The following RAD51B variants were observed in gnomAD, a reference collection of about 807,000 sequenced individuals.
RAD51B encodes the protein DNA repair protein RAD51 homolog 2.
In RAD51B, 38 loss-of-function variants were observed where a neutral mutation model predicts 42.2. The observed-to-expected ratio is 0.90, with a 90% CI of 0.70 to 1.18. The LOEUF (loss-of-function observed/expected upper bound fraction) is 1.18. RAD51B is among the 50% of genes most tolerant of loss of function. RAD51B has a pLI of 0.00. For synonymous variants in RAD51B, 154 were observed against 145.2 expected (o/e 1.06, Z -0.43); for missense variants, 373 against 400.7 (o/e 0.93, Z 0.59).
At chr14:68,417,786 A>C (rs2084598374) in intron 9 of RAD51B, among the ~76,000 whole-genome samples, 1 of 152,228 alleles carries the variant, frequency 6.6e-6, no homozygotes, top group African/African-American at 2.4e-5. Context: ...ACAAACAAGC[A>C]AACCATGGGA....
At chr14:68,513,600 G>C (rs772190460) in intron 10 of RAD51B, among the ~76,000 whole-genome samples, 1 of 152,148 alleles carries the variant, frequency 6.6e-6, no homozygotes, top group South Asian at 2.1e-4. Flanking sequence ...ACTGTATACT[G>C]TCTGGTCAGT....
chr14:68,134,712 A>G (rs1425817511), intron 7 of RAD51B, among the ~76,000 whole-genome samples: 1 of 152,104 alleles, frequency 6.6e-6, no homozygotes, highest in Non-Finnish European at 1.5e-5. Context: ...CTTGCCATCT[A>G]TATATCCCGC....
chr14:68,643,877 AG>A (rs556066089), intron 10 of RAD51B, among the ~76,000 whole-genome samples: 28 of 152,236 alleles, frequency 1.8e-4, no homozygotes, highest in African/African-American at 6.7e-4. Flanking sequence ...GGTCATGAAA[AG>A]GGGGTGGGGC....
intron 7 of RAD51B, among the ~76,000 whole-genome samples, chr14:67,966,223 C>T (rs906951200): frequency 2.0e-5 from 3 of 152,116 alleles, no homozygotes; most frequent in Non-Finnish European, 4.4e-5. Flanking sequence ...GGACCACGAG[C>T]CTTCACACTC....
At chr14:68,680,447 T>A (rs1893402760) in intron 11 of RAD51B, among the ~76,000 whole-genome samples, 1 of 152,242 alleles carries the variant, frequency 6.6e-6, no homozygotes, top group African/African-American at 2.4e-5. Flanking sequence ...ATTTATTACC[T>A]TTTTAAAATA....
intron 10 of RAD51B, among the ~76,000 whole-genome samples, chr14:68,533,180 A>T (rs1887418516): frequency 6.6e-6 from 1 of 152,216 alleles, no homozygotes; most frequent in Admixed American, 6.5e-5. Context: ...GTATAGGAAA[A>T]TTATTATAAA....
chr14:68,563,246 A>G, intron 10 of RAD51B: 2 of 985,420 alleles, frequency 2.0e-6, no homozygotes, highest in Non-Finnish European at 2.4e-6. Flanking sequence ...CATTACCTGC[A>G]GAGTTCAATG....
chr14:67,964,873 T>C (rs779643239), intron 7 of RAD51B, among the ~76,000 whole-genome samples: 1 of 152,216 alleles, frequency 6.6e-6, no homozygotes, highest in African/African-American at 2.4e-5. Context: ...TGGAAACTAC[T>C]AAAGAAGAAA....
At chr14:68,354,875 C>T (rs1215967481) in intron 8 of RAD51B, among the ~76,000 whole-genome samples, 1 of 152,080 alleles carries the variant, frequency 6.6e-6, no homozygotes, top group Non-Finnish European at 1.5e-5. Context: ...GACGTGGGAG[C>T]CCCATTTCAA....
rs144222134 is a variant in RAD51B at position 68,104,946 on chromosome 14, C to T, written c.757-186938C>T. ...AGAAATTCATAAAGTTTATACTTTACTAGTTTTCTTAAGAATACAGATGTA... is the reference window on the plus strand; with the variant it reads ...AGAAATTCATAAAGTTTATACTTTATTAGTTTTCTTAAGAATACAGATGTA... On this transcript the variant is annotated intron_variant, in intron 7 of 10. Coordinates refer to ENST00000471583, the MANE Select transcript of RAD51B (RefSeq NM_133510.4). Among the ~76,000 whole-genome samples, 3 of 152,212 alleles carry T rather than the reference C, an allele frequency of 2.0e-5. No homozygotes were observed. The East Asian group carries it at 5.8e-4, about 29-fold the overall frequency.
chr14:68,659,885 C>A (rs898408113), intron 11 of RAD51B, among the ~76,000 whole-genome samples: 3 of 152,250 alleles, frequency 2.0e-5, no homozygotes, highest in African/African-American at 7.2e-5. Flanking sequence ...ATGCTGACAC[C>A]TGCAATGGGC....
chr14:68,004,875 G>T (rs2075554549), intron 7 of RAD51B, among the ~76,000 whole-genome samples: 1 of 151,064 alleles, frequency 6.6e-6, no homozygotes. Context: ...CTTTTTTTTT[G>T]GTATATGGCC....
chr14:68,353,732 G>A (rs1302146628), intron 8 of RAD51B, among the ~76,000 whole-genome samples: 1 of 152,236 alleles, frequency 6.6e-6, no homozygotes, highest in Non-Finnish European at 1.5e-5. Flanking sequence ...TTGTCTGGCT[G>A]TCGCAGCAGG....
At chr14:68,141,900 C>T (rs1196692568) in intron 7 of RAD51B, among the ~76,000 whole-genome samples, 1 of 152,170 alleles carries the variant, frequency 6.6e-6, no homozygotes, top group Non-Finnish European at 1.5e-5. Context: ...GGCTGGTCTG[C>T]AGCCCCTCCC....
chr14:68,569,623 G>T (rs1889592956), intron 10 of RAD51B, among the ~76,000 whole-genome samples: 1 of 152,224 alleles, frequency 6.6e-6, no homozygotes, highest in African/African-American at 2.4e-5. Flanking sequence ...GTTGCTATGG[G>T]ACACCTCTGC....
At chr14:68,305,736 G>T (rs1442705352) in intron 8 of RAD51B, among the ~76,000 whole-genome samples, 1 of 152,192 alleles carries the variant, frequency 6.6e-6, no homozygotes. Context: ...CACTGTGTCT[G>T]CAGTGCCTGG....
chr14:68,258,429 A>T lies in RAD51B; in HGVS notation c.757-33455A>T, dbSNP rs567934192. Among the ~76,000 whole-genome samples the T allele has an allele frequency of 1.9e-3, 282 of 147,370 alleles. 2 individuals carry two copies. The highest frequency in any genetic ancestry group is 6.4e-3 in the African/African-American group (254 of 39,620). On this transcript the variant is annotated intron_variant, in intron 7 of 10. Coordinates refer to ENST00000471583, the MANE Select transcript of RAD51B (RefSeq NM_133510.4). ...ACACCACACACACACACACACACAC[A>T]CACTCTCTCTCTCTCACACACACAC...
intron 10 of RAD51B, among the ~76,000 whole-genome samples, chr14:68,606,747 G>A (rs754049243): frequency 1.3e-5 from 2 of 152,198 alleles, no homozygotes; most frequent in African/African-American, 4.8e-5. Context: ...GCTCATTCAA[G>A]ATGACACAGT....
rs1403626475 is a variant in RAD51B, at chr14:67,893,503, CACACACAAAA to C, written c.756+6301_756+6310del. Among the ~76,000 whole-genome samples the C allele has an allele frequency of 2.5e-3, 247 of 99,112 alleles. 18 individuals are homozygous for C. The highest frequency in any genetic ancestry group is 0.011 in the African/African-American group (220 of 19,568). 65.0% of individuals were successfully genotyped at this position (99,112 alleles called of 152,430 possible). A position where few individuals can be genotyped will look rare whatever the true frequency, so the allele number is the denominator to read the frequency against. ...ACACACACACACACACACACACACA[CACACACAAAA>C]AAAAACAATTAGCTGGGTGTGGTGC... is the stretch of plus-strand genomic sequence containing the variant. On this transcript the variant is annotated intron_variant, in intron 7 of 10. Coordinates refer to ENST00000471583, the MANE Select transcript of RAD51B (RefSeq NM_133510.4).
Sources: gnomAD v4.1 joint callset for allele counts (sites outside exome capture counted in the v4.1 genomes callset) on GRCh38, gnomAD v4.1.1 for gene constraint, MANE v1.5 for transcripts, NCBI Gene and HGNC (gene_info 2026-07-23, HGNC 2026-07-21) for gene names.